ZNF558: variants seen among roughly 807,000 people sequenced by gnomAD.
ZNF558 encodes zinc finger protein 558.
A neutral mutation model predicts 37.6 loss-of-function variants in ZNF558; 23 were observed. The ratio of observed to expected loss-of-function variants is 0.61; its 90% confidence interval spans 0.44 to 0.87. The LOEUF (loss-of-function observed/expected upper bound fraction) is 0.87. Ranked by LOEUF, ZNF558 falls within the 40% of genes least tolerant of loss-of-function variation. The pLI is 0.00. For synonymous variants in ZNF558, 189 were observed against 174.4 expected, an observed-to-expected ratio of 1.08 and a Z score of -0.66; for missense variants, 429 against 483.7, an observed-to-expected ratio of 0.89 and a Z score of 1.06.
intron 7 of ZNF558, among the ~76,000 whole-genome samples, chr19:8,820,614 TG>T (rs36065294): frequency 0.86 from 130,749 of 152,040 alleles, 56,233 homozygotes; most frequent in South Asian, 0.92. Flanking sequence ...CCTGACTAGC[TG>T]GGGATAGGTG....
At position 8,822,825 on chromosome 19, in the gene ZNF558, G is replaced by C; in HGVS notation, c.-65-101C>G. 2.9e-6 allele frequency: 3 copies of C among 1,036,372 alleles called. No homozygotes were observed. Among genetic ancestry groups the C allele is most frequent in the Non-Finnish European group, 4.2e-6 (3 of 707,886 alleles). 64.2% of individuals were successfully genotyped at this position (1,036,372 alleles called of 1,614,324 possible). A position where few individuals can be genotyped will look rare whatever the true frequency, so the allele number is the denominator to read the frequency against. Reference sequence around the variant, plus strand: ...CCATCCTTCCCATCCTTCTTCAAATGCAAGTTCCGGCTTCCACACTGGGCC... The same window carrying C: ...CCATCCTTCCCATCCTTCTTCAAATCCAAGTTCCGGCTTCCACACTGGGCC... On this transcript the variant is annotated intron_variant, in intron 4 of 9. Transcript: ENST00000601372. This position sits in a 1 kb window ranked among gnomAD's most constrained non-coding sequence, Gnocchi z 4.4.
At chr19:8,829,186 G>C (rs1484719349) in intron 2 of ZNF558, among the ~76,000 whole-genome samples, 1 of 151,846 alleles carries the variant, frequency 6.6e-6, no homozygotes, top group South Asian at 2.1e-4. Flanking sequence ...TTGAACCCGG[G>C]AGGCCGGGGG....
At chr19:8,837,187 CA>C (rs1277548892), upstream of ZNF558, among the ~76,000 whole-genome samples, 2 of 152,230 alleles carry the variant, frequency 1.3e-5, no homozygotes, top group African/African-American at 4.8e-5. Context: ...AACATATACC[CA>C]AAGCTGTACG....
At chr19:8,820,624 T>C (rs2044060560) in intron 7 of ZNF558, among the ~76,000 whole-genome samples, 5 of 151,836 alleles carry the variant, frequency 3.3e-5, no homozygotes, top group Admixed American at 6.6e-5. Flanking sequence ...TGGGGATAGG[T>C]GTGTGCCACC....
At position 8,808,420 on chromosome 19, in the gene ZNF558, C is replaced by G. The variant is rs2043721149; in HGVS notation, c.*2861G>C. On this transcript the variant is annotated 3_prime_UTR_variant, in exon 10 of 10. Coordinates refer to ENST00000601372, the MANE Select transcript of ZNF558 (RefSeq NM_144693.3). ...AAAAAGGAATACAGAATACCTAATCCTGTATGCATCTAGTTACATAATGTC... is the reference window on the plus strand; with the variant it reads ...AAAAAGGAATACAGAATACCTAATCGTGTATGCATCTAGTTACATAATGTC... 1.3e-5 allele frequency: 2 copies of G among 148,552 alleles called. No homozygotes were observed. Among genetic ancestry groups the G allele is most frequent in the South Asian group, 2.2e-4 (1 of 4,650 alleles). The allele number at this position is 148,552 out of a possible 1,614,324, so 9.2% of individuals were successfully genotyped here. A position where few individuals can be genotyped will look rare whatever the true frequency, so the allele number is the denominator to read the frequency against.
At chr19:8,825,487 TCA>T (rs1270620821) in intron 2 of ZNF558, among the ~76,000 whole-genome samples, 1 of 152,084 alleles carries the variant, frequency 6.6e-6, no homozygotes, top group Non-Finnish European at 1.5e-5. Context: ...TTCTAGGTAT[TCA>T]GAGAGATTAT....
chr19:8,818,202 C>T (rs1020652239), intron 7 of ZNF558, among the ~76,000 whole-genome samples: 2 of 152,050 alleles, frequency 1.3e-5, no homozygotes, highest in African/African-American at 4.8e-5. Context: ...GCCTGAAATC[C>T]CAGCACTTTG....
intron 6 of ZNF558, chr19:8,821,670 A>T (rs2044095031): frequency 7.7e-7 from 1 of 1,307,034 alleles, no homozygotes; most frequent in Admixed American, 3.5e-5. Context: ...CATGGCAGAA[A>T]GCAGAGAAAT....
At chr19:8,814,968 A>T (rs2043895657) in intron 7 of ZNF558, among the ~76,000 whole-genome samples, 1 of 152,220 alleles carries the variant, frequency 6.6e-6, no homozygotes, top group South Asian at 2.1e-4. Context: ...TGTTCTATAG[A>T]TACAATACCA....
intron 4 of ZNF558, among the ~76,000 whole-genome samples, chr19:8,823,242 CCT>C (rs1599281177): frequency 6.6e-6 from 1 of 152,032 alleles, no homozygotes; most frequent in Non-Finnish European, 1.5e-5. Flanking sequence ...CAGAAACTCC[CCT>C]CTCTCTGAAC....
At chr19:8,817,940 G>A (rs1362548551) in intron 7 of ZNF558, among the ~76,000 whole-genome samples, 2 of 151,968 alleles carry the variant, frequency 1.3e-5, no homozygotes, top group Non-Finnish European at 2.9e-5. Context: ...CATATTAGAA[G>A]ATCAAAAAGG....
At chr19:8,821,649 T>C in intron 6 of ZNF558, 3 of 1,315,108 alleles carry the variant, frequency 2.3e-6, no homozygotes, top group Non-Finnish European at 2.9e-6. Flanking sequence ...CAGGGGATCA[T>C]GGGCCCGTGA....
rs755074479 is a variant in ZNF558, at chr19:8,821,190, C to T, written c.237G>A (p.Leu79=). ...RDVMLENCRN[L]ASLGCRVNKP... ...TGACATTAGGCTTACCTAGTGAGGC[C>T]AGGTTCCTGCAGTTCTCCAGCATCA... Residue 79 remains leucine, a synonymous_variant, in exon 7 of 10, where the codon CTG becomes CTA. Coordinates refer to ENST00000601372, the MANE Select transcript of ZNF558 (RefSeq NM_144693.3). 1.9e-6 allele frequency: 3 copies of T among 1,613,928 alleles called. No individual in the cohort carries two copies. Among genetic ancestry groups the T allele is most frequent in the Non-Finnish European group, 2.5e-6 (3 of 1,179,892 alleles).
chr19:8,816,633 C>T (rs976282650), intron 7 of ZNF558, among the ~76,000 whole-genome samples: 3 of 152,138 alleles, frequency 2.0e-5, no homozygotes, highest in African/African-American at 7.2e-5. Context: ...GTCACTATTA[C>T]ATCTACCCTA....
At chr19:8,824,912 T>G (rs1411344756) in intron 3 of ZNF558, 90 bp downstream of exon 3, 1 of 152,570 alleles carries the variant, frequency 6.6e-6, no homozygotes, top group South Asian at 2.1e-4. Flanking sequence ...CTCTGTCCCC[T>G]TTCCTGAGTC....
intron 4 of ZNF558, among the ~76,000 whole-genome samples, chr19:8,823,418 G>GCCCCCCTCCTGCCTCGGTCC (rs1568472387): frequency 1.4e-4 from 1 of 7,272 alleles, no homozygotes; most frequent in Non-Finnish European, 2.8e-4. Flanking sequence ...GCCTCAGTCA[G>GCCCCCCTCCTGCCTCGGTCC]CCCCCCTCCT....
chr19:8,821,028 G>A, intron 7 of ZNF558, 152 bp downstream of exon 7: 1 of 1,209,634 alleles, frequency 8.3e-7, no homozygotes, highest in Non-Finnish European at 1.1e-6. Flanking sequence ...TACCATGAAT[G>A]TATGAAAAAC....
intron 7 of ZNF558, among the ~76,000 whole-genome samples, chr19:8,815,372 T>G (rs1470652031): frequency 1.3e-5 from 2 of 151,652 alleles, no homozygotes; most frequent in Non-Finnish European, 2.9e-5. Flanking sequence ...ATAAAAAAAT[T>G]TGAGTTGAAA....
rs2044379757 is a variant in ZNF558, at chr19:8,832,242, C to A, written c.-626G>T. 6.6e-6 allele frequency: 1 copy of A among 152,170 alleles called. No individual in the cohort carries two copies. The highest frequency in any genetic ancestry group is 6.5e-5 in the Admixed American group (1 of 15,290). The allele number at this position is 152,170 out of a possible 1,614,324, so 9.4% of individuals were successfully genotyped here. ...GCCCCTCCCGCGGGGCCAAAAGCGC[C>A]GACTCGCGGGGACGGAGGGACTCGC... is the stretch of plus-strand genomic sequence containing the variant. On this transcript the variant is annotated 5_prime_UTR_variant, in exon 1 of 10. Coordinates refer to ENST00000601372, the MANE Select transcript of ZNF558 (RefSeq NM_144693.3).
Sources: gnomAD v4.1 joint callset for allele counts (sites outside exome capture counted in the v4.1 genomes callset) on GRCh38, gnomAD v4.1.1 for gene constraint, Gnocchi (gnomAD v3.1) non-coding constraint, MANE v1.5 for transcripts, NCBI Gene and HGNC (gene_info 2026-07-23, HGNC 2026-07-21) for gene names.